Variants in DHX9 observed in about 807,000 individuals in gnomAD.
The protein encoded by DHX9 is ATP-dependent RNA helicase A.
Under a neutral mutation model 148.7 loss-of-function variants are expected in DHX9, and 27 were observed. The observed-to-expected ratio is 0.18, with a 90% CI of 0.13 to 0.25. DHX9 has a LOEUF of 0.25. Ranked by LOEUF, DHX9 falls within the 10% of genes least tolerant of loss-of-function variation. The pLI is 1.00. For missense variants in DHX9, 796 were observed against 1,559.6 expected, an observed-to-expected ratio of 0.51 and a Z score of 8.25; for synonymous variants, 529 against 516.6, an observed-to-expected ratio of 1.02 and a Z score of -0.33.
chr1:182,872,988 CTG>C (rs1361599844), intron 15 of DHX9, among the ~76,000 whole-genome samples: 1 of 152,178 alleles, frequency 6.6e-6, no homozygotes, highest in Non-Finnish European at 1.5e-5. Flanking sequence ...AGGTCTCACT[CTG>C]TCACCCAGAC....
chr1:182,862,531 A>G (rs1019101862), intron 12 of DHX9, among the ~76,000 whole-genome samples: 1 of 152,250 alleles, frequency 6.6e-6, no homozygotes, highest in South Asian at 2.1e-4. Flanking sequence ...CCATAGTACC[A>G]TCATTTCAGG....
intron 23 of DHX9, 35 bp downstream of exon 23, chr1:182,881,460 T>G: frequency 6.2e-7 from 1 of 1,609,950 alleles, no homozygotes; most frequent in Non-Finnish European, 8.5e-7. Flanking sequence ...GTCTGTAGTT[T>G]CTCATTTGTA....
At chr1:182,860,973 G>C (rs192138577) in intron 12 of DHX9, among the ~76,000 whole-genome samples, 1 of 152,146 alleles carries the variant, frequency 6.6e-6, no homozygotes, top group Non-Finnish European at 1.5e-5. Context: ...TTTTTTCCCC[G>C]ATGGGTTAAT....
chr1:182,854,620 C>A (rs1395424094), intron 6 of DHX9, among the ~76,000 whole-genome samples: 2 of 151,754 alleles, frequency 1.3e-5, no homozygotes, highest in African/African-American at 2.4e-5. Flanking sequence ...GCATCTACAT[C>A]CACATTTCAC....
chr1:182,846,240 T>C (rs1197145804), intron 3 of DHX9, among the ~76,000 whole-genome samples: 1 of 147,170 alleles, frequency 6.8e-6, no homozygotes, highest in African/African-American at 2.5e-5. Flanking sequence ...AGATGTACTT[T>C]TTTTTTTTTT....
rs1649166095 is a variant in DHX9 at position 182,883,143 on chromosome 1, T to C, written c.2919T>C (p.Cys973=). ...ILINSGFPED[C]LLTQVFTNTG... is the part of the protein sequence containing the mutation. ...TCACTGTGCTCCTCTTAACAGATTG[T>C]TTGTTGACACAAGTGTTTACTAACA... is the stretch of plus-strand genomic sequence containing the variant. The change falls in exon 25 of 28, where the codon TGT becomes TGC. Residue 973 remains cysteine (C), a synonymous_variant. Transcript: ENST00000367549. The C allele has an allele frequency of 6.2e-7, 1 of 1,613,066 alleles. No homozygotes were observed. Among genetic ancestry groups the C allele is most frequent in the Middle Eastern group, 1.6e-4 (1 of 6,062 alleles).
intron 20 of DHX9, 103 bp downstream of exon 20, chr1:182,878,276 CT>C: frequency 7.6e-7 from 1 of 1,317,240 alleles, no homozygotes; most frequent in Non-Finnish European, 1.0e-6. Flanking sequence ...TGATCTAAGT[CT>C]TGCCAGCCAT....
chr1:182,846,582 T>A (rs1668034176), intron 3 of DHX9, among the ~76,000 whole-genome samples: 2 of 152,238 alleles, frequency 1.3e-5, no homozygotes, highest in African/African-American at 4.8e-5. Context: ...TACTTGCTGT[T>A]TTCTGTAAGA....
In DHX9 at chr1:182,865,079, GAAAA is replaced by G. The variant is rs201035339; in HGVS notation, c.1333-1361_1333-1358del. Among the ~76,000 whole-genome samples the G allele has an allele frequency of 6.5e-4, 98 of 151,872 alleles. No homozygotes were observed. In the East Asian group the frequency reaches 0.016, roughly 25 times the overall value. Reference sequence around the variant, plus strand: ...AGCTGTTAGTAGAAGTGTTAGAAAAGAAAAAAAGAAAAACTATAGGGAAGACAGT... The same window carrying G: ...AGCTGTTAGTAGAAGTGTTAGAAAAGAAAGAAAAACTATAGGGAAGACAGT... On this transcript the variant is annotated intron_variant, in intron 12 of 27. Transcript: ENST00000367549.
chr1:182,846,886 G>A (rs570554866), intron 3 of DHX9, among the ~76,000 whole-genome samples: 1 of 151,662 alleles, frequency 6.6e-6, no homozygotes, highest in African/African-American at 2.4e-5. Context: ...ACAGGTCCCT[G>A]AGGCTCTCTT....
intron 14 of DHX9, among the ~76,000 whole-genome samples, chr1:182,867,994 T>C (rs1648378341): frequency 6.6e-6 from 1 of 152,208 alleles, no homozygotes; most frequent in African/African-American, 2.4e-5. Flanking sequence ...TATTTTTTTC[T>C]TTTTTCTTCT....
At chr1:182,883,451 C>T in intron 25 of DHX9, 69 bp from the exon 26 acceptor site, 1 of 1,571,544 alleles carries the variant, frequency 6.4e-7, no homozygotes, top group Non-Finnish European at 8.8e-7. Context: ...ATTTTCAAAG[C>T]ACAGTATATA....
chr1:182,857,910 G>A (rs908844137), intron 7 of DHX9, among the ~76,000 whole-genome samples, 194 bp from the exon 8 acceptor site: 1 of 152,150 alleles, frequency 6.6e-6, no homozygotes, highest in African/African-American at 2.4e-5. Context: ...AAAACTGTTG[G>A]TTATTTAGTT....
chr1:182,856,645 C>G (rs951068514), intron 7 of DHX9, 67 bp downstream of exon 7: 1 of 1,415,346 alleles, frequency 7.1e-7, no homozygotes, highest in African/African-American at 1.4e-5. Flanking sequence ...CATTTTAAGT[C>G]TTGAGTCACG....
chr1:182,860,974 A>G (rs905173195), intron 12 of DHX9, among the ~76,000 whole-genome samples: 1 of 152,222 alleles, frequency 6.6e-6, no homozygotes, highest in Non-Finnish European at 1.5e-5. Context: ...TTTTTCCCCG[A>G]TGGGTTAATG....
At chr1:182,876,593 CA>C (rs755960707) in intron 18 of DHX9, 52 bp downstream of exon 18, 13 of 1,498,016 alleles carry the variant, frequency 8.7e-6, no homozygotes, top group Non-Finnish European at 1.1e-5. Context: ...AGATACTAAA[CA>C]AATGTTACAG....
At chr1:182,854,615 T>A (rs776315715) in intron 6 of DHX9, among the ~76,000 whole-genome samples, 14 of 151,892 alleles carry the variant, frequency 9.2e-5, no homozygotes, top group Middle Eastern at 3.4e-3. Context: ...GTATTGCATC[T>A]ACATCCACAT....
chr1:182,872,277 G>A, intron 14 of DHX9, 60 bp from the exon 15 acceptor site: 2 of 1,408,850 alleles, frequency 1.4e-6, no homozygotes, highest in East Asian at 2.3e-5. Context: ...ACTCTTTTAG[G>A]CATAGCTTGT....
At chr1:182,853,696 C>A (rs186596293) in intron 5 of DHX9, among the ~76,000 whole-genome samples, 593 of 151,952 alleles carry the variant, frequency 3.9e-3, no homozygotes, top group Non-Finnish European at 6.9e-3. Flanking sequence ...CTCAGGGGAC[C>A]TTATTTTATG....
Sources: allele counts gnomAD v4.1 joint callset (sites outside exome capture counted in the v4.1 genomes callset), GRCh38; gene constraint gnomAD v4.1.1; transcripts MANE v1.5; gene names NCBI Gene and HGNC (gene_info 2026-07-23, HGNC 2026-07-21).